The following CD109 variants were observed in gnomAD, a reference collection of about 807,000 sequenced individuals.
CD109 encodes the protein CD109 molecule.
In CD109, 149 loss-of-function variants were observed where a neutral mutation model predicts 165.8. The ratio of observed to expected loss-of-function variants is 0.90; its 90% CI spans 0.79 to 1.03. The LOEUF is 1.03. Among genes scored for constraint, CD109 ranks in the 50% least tolerant of loss-of-function variants. CD109 has a pLI of 0.00. For synonymous variants in CD109, 585 were observed against 592.1 expected (o/e 0.99, Z 0.18); for missense variants, 1,712 against 1,677.8 (o/e 1.02, Z -0.36).
intron 31 of CD109, 64 bp downstream of exon 31, chr6:73,818,599 CT>C: frequency 6.8e-7 from 1 of 1,462,986 alleles, no homozygotes; most frequent in East Asian, 2.3e-5. Flanking sequence ...AGGTGTCTAC[CT>C]TACTTTAAGT....
chr6:73,782,084 C>G (rs148918766), intron 17 of CD109, among the ~76,000 whole-genome samples: 2 of 152,296 alleles, frequency 1.3e-5, no homozygotes, highest in Non-Finnish European at 2.9e-5. Context: ...GTCACAGTTT[C>G]TATCCCTGAA....
At chr6:73,734,434 T>C (rs1459763798) in intron 4 of CD109, among the ~76,000 whole-genome samples, 1 of 152,252 alleles carries the variant, frequency 6.6e-6, no homozygotes, top group African/African-American at 2.4e-5. Flanking sequence ...AAACACAATA[T>C]TGTTTTCATT....
rs1773518051 is a variant in CD109 at position 73,759,160 on chromosome 6, T to C, written c.758+132T>C. The C allele has an allele frequency of 1.3e-5, 8 of 622,994 alleles. No individual in the cohort carries two copies. In the South Asian group the frequency reaches 1.6e-4, roughly 12 times the overall value. The allele number at this position is 622,994 out of a possible 1,614,324, so 38.6% of individuals were successfully genotyped here. Reference sequence around the variant, plus strand: ...TACCTTAGTGGACAGTAAATGACTATTTATAATAAATAATTAAGCATGGGA... The same window carrying C: ...TACCTTAGTGGACAGTAAATGACTACTTATAATAAATAATTAAGCATGGGA... On this transcript the variant is annotated intron_variant, in intron 7 of 32. Transcript: ENST00000287097.
At position 73,767,124 on chromosome 6, in the gene CD109, G is replaced by A. The variant is rs559281645; in HGVS notation, c.1497+114G>A. The A allele has an allele frequency of 1.6e-5, 13 of 817,316 alleles. 1 individual carries two copies. The South Asian group carries it at 2.3e-4, about 14-fold the overall frequency. The allele number at this position is 817,316 out of a possible 1,614,324, so 50.6% of individuals were successfully genotyped here. A position where few individuals can be genotyped will look rare whatever the true frequency, so the allele number is the denominator to read the frequency against. On this transcript the variant is annotated intron_variant, in intron 13 of 32. Coordinates refer to ENST00000287097, the MANE Select transcript of CD109 (RefSeq NM_133493.5). ...TTATATAGCTAAACTCATGTCATGG[G>A]GGTTTGTTGTACAGATTATTTCATC...
chr6:73,773,633 G>T (rs548295210), intron 15 of CD109, among the ~76,000 whole-genome samples: 4 of 151,994 alleles, frequency 2.6e-5, no homozygotes, highest in Non-Finnish European at 5.9e-5. Context: ...GTTTCTAAAG[G>T]TTATCAGTAT....
rs939541793 is a variant in CD109 at position 73,781,081 on chromosome 6, G to C, written c.1903-178G>C. On this transcript the variant is annotated intron_variant, in intron 16 of 32. Transcript: ENST00000287097. ...GTGTTTGAGTGAGAAAGGTTGATGT[G>C]TGTGTGCGTGTGTGTGTGTGTTTGA... is the stretch of plus-strand genomic sequence containing the variant. Among the ~76,000 whole-genome samples the C allele has an allele frequency of 5.3e-5, 8 of 151,186 alleles. No individual in the cohort carries two copies. The East Asian group carries it at 1.5e-3, about 29-fold the overall frequency.
chr6:73,690,727 A>T, the CD109 span, among the ~76,000 whole-genome samples: 1 of 152,240 alleles, frequency 6.6e-6, no homozygotes, highest in Non-Finnish European at 1.5e-5. Flanking sequence ...TATTTAAAAA[A>T]GGTTTGTAAA....
At chr6:73,783,681 G>T (rs756335721) in intron 18 of CD109, 26 bp from the exon 19 acceptor site, 2 of 1,309,512 alleles carry the variant, frequency 1.5e-6, no homozygotes, top group Non-Finnish European at 2.2e-6. Context: ...GTTTTGTGAT[G>T]TTTATATTTA....
chr6:73,712,414 A>G (rs1771573690), intron 2 of CD109, among the ~76,000 whole-genome samples: 1 of 152,234 alleles, frequency 6.6e-6, no homozygotes, highest in African/African-American at 2.4e-5. Context: ...AAAGGCTGCC[A>G]AAAATAATTA....
At chr6:73,712,086 T>A (rs1386404655) in intron 2 of CD109, among the ~76,000 whole-genome samples, 1 of 152,186 alleles carries the variant, frequency 6.6e-6, no homozygotes, top group Non-Finnish European at 1.5e-5. Flanking sequence ...GGCGCATGCC[T>A]CTAATCCCAG....
rs1215108684 is a variant in CD109 at position 73,696,248 on chromosome 6, C to T, written c.33C>T (p.His11=). The T allele has an allele frequency of 6.5e-7, 1 of 1,542,454 alleles. No individual in the cohort carries two copies. The stretch of plus-strand genomic sequence containing the variant: ...GCCCACCGCTCCTGACCGCCGCCCA[C>T]CTCCTCTGCGTGTGCACCGCCGCGC... The part of the protein sequence containing the change: MQGPPLLTAA[H]LLCVCTAALA... Residue 11 remains histidine (H), a synonymous_variant, in exon 1 of 33, where the codon CAC becomes CAT. Coordinates refer to ENST00000287097, the MANE Select transcript of CD109 (RefSeq NM_133493.5).
At chr6:73,747,746 A>G (rs1404616444) in intron 5 of CD109, among the ~76,000 whole-genome samples, 1 of 152,056 alleles carries the variant, frequency 6.6e-6, no homozygotes. Flanking sequence ...TTCCTACCTT[A>G]TTTAATTCTC....
intron 15 of CD109, among the ~76,000 whole-genome samples, chr6:73,775,791 G>A (rs1422932469): frequency 6.6e-6 from 1 of 152,154 alleles, no homozygotes. Flanking sequence ...CTGTTCCTGA[G>A]TTAGTTTGCT....
chr6:73,820,866 TTA>T (rs759474895), intron 32 of CD109, among the ~76,000 whole-genome samples: 6 of 152,176 alleles, frequency 3.9e-5, no homozygotes, highest in Admixed American at 2.0e-4. Context: ...TAGAGTCCAG[TTA>T]TGTCTCATTT....
At chr6:73,686,944 G>A in the CD109 span, among the ~76,000 whole-genome samples, 1 of 152,266 alleles carries the variant, frequency 6.6e-6, no homozygotes, top group East Asian at 1.9e-4. Flanking sequence ...CACCCGCCTG[G>A]GTCTCCCAAA....
At position 73,766,966 on chromosome 6, in the gene CD109, T is replaced by G; in HGVS notation, c.1453T>G (p.Leu485Val). 6.2e-7 allele frequency: 1 copy of G among 1,613,814 alleles called. No homozygotes were observed. Among genetic ancestry groups the G allele is most frequent in the Non-Finnish European group, 8.5e-7 (1 of 1,179,878 alleles). Residue 485 changes from leucine to valine, a missense_variant, in exon 13 of 33, where the codon TTG becomes GTG. Coordinates refer to ENST00000287097, the MANE Select transcript of CD109 (RefSeq NM_133493.5). ...TTTCTAGGTGGGATCGCCTTTTGAGTTGGTGGTTAGTGGCAACAAACGATT... is the reference window on the plus strand; with the variant it reads ...TTTCTAGGTGGGATCGCCTTTTGAGGTGGTGGTTAGTGGCAACAAACGATT... ...ENIKVGSPFELVVSGNKRLKE... is the reference protein window; with the variant it reads ...ENIKVGSPFEVVVSGNKRLKE...
At chr6:73,764,987 A>G (rs1451160257) in intron 10 of CD109, among the ~76,000 whole-genome samples, 4 of 152,182 alleles carry the variant, frequency 2.6e-5, no homozygotes, top group Non-Finnish European at 4.4e-5. Flanking sequence ...CTGAATGAGT[A>G]GAGTGAAACC....
At chr6:73,706,162 C>T (rs1209722129) in intron 2 of CD109, among the ~76,000 whole-genome samples, 1 of 152,138 alleles carries the variant, frequency 6.6e-6, no homozygotes, top group South Asian at 2.1e-4. Context: ...AATTGAAATA[C>T]AGTTTTAGGA....
chr6:73,724,958 TG>T lies in CD109; in HGVS notation c.276+1685del, dbSNP rs991247264. Reference sequence around the variant, plus strand: ...GTACATTCAGAAACCACATTTATTTTGGGGGGTTCATAGAGAATATTATACT... The same window carrying T: ...GTACATTCAGAAACCACATTTATTTTGGGGGTTCATAGAGAATATTATACT... On this transcript the variant is annotated intron_variant, in intron 3 of 32. Transcript: ENST00000287097. Among the ~76,000 whole-genome samples the T allele has an allele frequency of 2.0e-5, 3 of 152,152 alleles. No individual in the cohort carries two copies. In the East Asian group the frequency reaches 5.8e-4, roughly 29 times the overall value.
Sources: gnomAD v4.1 joint callset for allele counts (sites outside exome capture counted in the v4.1 genomes callset) on GRCh38, gnomAD v4.1.1 for gene constraint, MANE v1.5 for transcripts, NCBI Gene and HGNC (gene_info 2026-07-23, HGNC 2026-07-21) for gene names.